MNAT1: variants seen among roughly 807,000 people sequenced by gnomAD.
MNAT1 encodes the protein MNAT1 component of CDK activating kinase.
MNAT1 carries 43 observed loss-of-function variants against 42.0 expected under a neutral mutation model. That is an observed-to-expected ratio of 1.02 (90% confidence interval 0.80 to 1.32). The LOEUF is 1.32. Ranked by LOEUF, MNAT1 falls within the 40% of genes most tolerant of loss-of-function variation. MNAT1 has a pLI of 0.00. For missense variants in MNAT1, 306 were observed against 350.4 expected (o/e 0.87, Z 1.01); for synonymous variants, 118 against 120.0 (o/e 0.98, Z 0.11).
At chr14:60,946,761 G>A (rs1299191180) in intron 7 of MNAT1, among the ~76,000 whole-genome samples, 1 of 152,150 alleles carries the variant, frequency 6.6e-6, no homozygotes, top group East Asian at 1.9e-4. Flanking sequence ...CAGTACTATG[G>A]GGGTAGGATT....
chr14:60,837,700 G>T (rs1371216759), intron 6 of MNAT1, among the ~76,000 whole-genome samples: 1 of 152,158 alleles, frequency 6.6e-6, no homozygotes, highest in Non-Finnish European at 1.5e-5. Flanking sequence ...TTTAATCAGA[G>T]CCTCTCCTAG....
At chr14:60,830,979 T>C (rs2033197335) in intron 6 of MNAT1, among the ~76,000 whole-genome samples, 1 of 152,166 alleles carries the variant, frequency 6.6e-6, no homozygotes, top group African/African-American at 2.4e-5. Flanking sequence ...CCGTGCCTCC[T>C]GTTAACATTT....
chr14:60,821,323 A>G (rs2032884384), intron 6 of MNAT1, among the ~76,000 whole-genome samples: 1 of 152,258 alleles, frequency 6.6e-6, no homozygotes, highest in East Asian at 1.9e-4. Flanking sequence ...TATCACTATC[A>G]GAAAGTGTCT....
chr14:60,843,177 T>C lies in MNAT1; in HGVS notation c.687+24330T>C, dbSNP rs1330794105. 2.0e-5 allele frequency among the ~76,000 whole-genome samples: 3 copies of C among 152,202 alleles called. No individual in the cohort carries two copies. In the East Asian group the frequency reaches 5.8e-4, roughly 29 times the overall value. ...ATGTTGTCAATCTTTTTAATTTTAG[T>C]TATTTTGGTGATGATTGATAGTATC... On this transcript the variant is annotated intron_variant, in intron 6 of 7. Transcript: ENST00000261245.
chr14:60,796,454 G>A (rs2032022313), intron 2 of MNAT1, 85 bp downstream of exon 2: 1 of 1,263,536 alleles, frequency 7.9e-7, no homozygotes. Flanking sequence ...GCTCATAAAT[G>A]TGGACAGATT....
chr14:60,820,811 C>G (rs1448154090), intron 6 of MNAT1, among the ~76,000 whole-genome samples: 1 of 152,092 alleles, frequency 6.6e-6, no homozygotes, highest in Non-Finnish European at 1.5e-5. Flanking sequence ...TTAAACAAAT[C>G]AGCTCATCAC....
intron 6 of MNAT1, among the ~76,000 whole-genome samples, chr14:60,833,547 A>G (rs932049679): frequency 5.9e-5 from 9 of 152,152 alleles, no homozygotes. Context: ...TGTGGTGGAT[A>G]AGCTTTTGGA....
At chr14:60,786,887 T>C (rs1005453348) in intron 1 of MNAT1, among the ~76,000 whole-genome samples, 4 of 152,240 alleles carry the variant, frequency 2.6e-5, no homozygotes, top group Non-Finnish European at 5.9e-5. Context: ...TTTTTGGACA[T>C]ACTTAGTTAC....
chr14:60,941,228 T>C (rs2036152959), intron 7 of MNAT1, among the ~76,000 whole-genome samples: 1 of 152,224 alleles, frequency 6.6e-6, no homozygotes, highest in Non-Finnish European at 1.5e-5. Flanking sequence ...TTTCTCTGGC[T>C]AGTCCATTTT....
At chr14:60,752,768 T>C (rs890202151) in intron 1 of MNAT1, among the ~76,000 whole-genome samples, 1 of 152,184 alleles carries the variant, frequency 6.6e-6, no homozygotes, top group African/African-American at 2.4e-5. Context: ...GTACTACTTA[T>C]TATTATTATT....
intron 6 of MNAT1, among the ~76,000 whole-genome samples, chr14:60,823,550 T>G (rs1043976711): frequency 3.3e-5 from 5 of 152,228 alleles, no homozygotes; most frequent in Admixed American, 6.5e-5. Context: ...CATTACCTTT[T>G]ATATCTAAGA....
At chr14:60,904,444 C>G (rs896622155) in intron 7 of MNAT1, among the ~76,000 whole-genome samples, 1 of 152,048 alleles carries the variant, frequency 6.6e-6, no homozygotes, top group African/African-American at 2.4e-5. Flanking sequence ...AATCTTTGTG[C>G]TTAAAATTCT....
chr14:60,836,681 G>T (rs548055425), intron 6 of MNAT1, among the ~76,000 whole-genome samples: 2 of 152,310 alleles, frequency 1.3e-5, no homozygotes, highest in African/African-American at 4.8e-5. Context: ...TTAAACCCCT[G>T]TTGGGAGGTG....
chr14:60,799,542 TTGCAG>T (rs1290813507), intron 3 of MNAT1, among the ~76,000 whole-genome samples: 1 of 152,032 alleles, frequency 6.6e-6, no homozygotes, highest in African/African-American at 2.4e-5. Context: ...ATTATAGGTG[TTGCAG>T]TACAAGTTGA....
At chr14:60,755,485 C>T (rs1160888398) in intron 1 of MNAT1, among the ~76,000 whole-genome samples, 1 of 152,118 alleles carries the variant, frequency 6.6e-6, no homozygotes, top group Non-Finnish European at 1.5e-5. Flanking sequence ...CTTTGTTGTC[C>T]ATACTGGTCT....
intron 1 of MNAT1, among the ~76,000 whole-genome samples, chr14:60,765,766 A>C (rs757226374): frequency 3.3e-5 from 5 of 152,174 alleles, no homozygotes; most frequent in Non-Finnish European, 7.4e-5. Context: ...CCTCTAGGCA[A>C]TCTAAGACAT....
chr14:60,773,358 C>G (rs2031134755), intron 1 of MNAT1, among the ~76,000 whole-genome samples: 1 of 152,174 alleles, frequency 6.6e-6, no homozygotes. Flanking sequence ...CATTCAACCA[C>G]TATTTGCACC....
intron 6 of MNAT1, among the ~76,000 whole-genome samples, chr14:60,841,816 G>A (rs1371882261): frequency 1.3e-5 from 2 of 152,168 alleles, no homozygotes; most frequent in South Asian, 2.1e-4. Context: ...TTAATGTTAG[G>A]CTAATTTAGC....
At chr14:60,939,129 CTTT>C (rs1163354702) in intron 7 of MNAT1, among the ~76,000 whole-genome samples, 1 of 151,994 alleles carries the variant, frequency 6.6e-6, no homozygotes, top group Non-Finnish European at 1.5e-5. Context: ...CTCTTTTCTT[CTTT>C]ATTAGTCTTG....
Sources: gnomAD v4.1 joint callset for allele counts (sites outside exome capture counted in the v4.1 genomes callset) on GRCh38, gnomAD v4.1.1 for gene constraint, MANE v1.5 for transcripts, NCBI Gene and HGNC (gene_info 2026-07-23, HGNC 2026-07-21) for gene names.